Variants in PCSK2 observed in about 807,000 individuals in gnomAD.
PCSK2 encodes the protein proprotein convertase subtilisin/kexin type 2.
In PCSK2, 14 loss-of-function variants were observed where a neutral mutation model predicts 69.7. That is an observed-to-expected ratio of 0.20 (90% CI 0.13 to 0.31). The LOEUF is 0.31. Among genes scored for constraint, PCSK2 ranks in the 10% least tolerant of loss-of-function variants. The pLI, the probability that PCSK2 is intolerant of heterozygous loss-of-function variation, is 1.00. For missense variants in PCSK2, 544 were observed against 842.5 expected (o/e 0.65, Z 4.39); for synonymous variants, 307 against 320.7 (o/e 0.96, Z 0.46).
chr20:17,452,704 G>A (rs2032850036), intron 8 of PCSK2, among the ~76,000 whole-genome samples: 1 of 152,250 alleles, frequency 6.6e-6, no homozygotes, highest in Non-Finnish European at 1.5e-5. Flanking sequence ...GGCACTGCAT[G>A]GCTGCACTCC....
At chr20:17,253,113 TC>T (rs1158024644) in intron 1 of PCSK2, among the ~76,000 whole-genome samples, 3 of 152,186 alleles carry the variant, frequency 2.0e-5, no homozygotes, top group Admixed American at 1.3e-4. Flanking sequence ...GAGATTGAAT[TC>T]CTAGGATATA....
chr20:17,243,910 A>G (rs2122959945), intron 1 of PCSK2, among the ~76,000 whole-genome samples: 1 of 152,318 alleles, frequency 6.6e-6, no homozygotes, highest in East Asian at 1.9e-4. Context: ...AAGAAATGAC[A>G]ACCACATGCA....
At chr20:17,409,958 A>G (rs2123303986) in intron 6 of PCSK2, among the ~76,000 whole-genome samples, 1 of 152,352 alleles carries the variant, frequency 6.6e-6, no homozygotes, top group East Asian at 1.9e-4. Context: ...GGTTAATTAC[A>G]TATAAGAGAT....
At chr20:17,275,178 C>T (rs1177098503) in intron 2 of PCSK2, among the ~76,000 whole-genome samples, 1 of 149,808 alleles carries the variant, frequency 6.7e-6, no homozygotes, top group Non-Finnish European at 1.5e-5. Context: ...TAAATTTATT[C>T]GAGTTTAAGA....
intron 2 of PCSK2, among the ~76,000 whole-genome samples, chr20:17,307,471 C>T (rs1000764192): frequency 9.2e-5 from 14 of 152,146 alleles, no homozygotes; most frequent in Non-Finnish European, 1.5e-4. Flanking sequence ...GTGGTGGTGG[C>T]AGTGGCAGAA....
rs1439770045 is a variant in PCSK2 at position 17,465,449 on chromosome 20, T to C, written c.1326T>C (p.Phe442=). The C allele has an allele frequency of 1.9e-6, 3 of 1,614,112 alleles. No homozygotes were observed. Among genetic ancestry groups the C allele is most frequent in the Non-Finnish European group, 2.5e-6 (3 of 1,179,982 alleles). The change falls in exon 11 of 12, where the codon TTT becomes TTC. Residue 442 remains phenylalanine, a synonymous_variant. Coordinates refer to ENST00000262545, the MANE Select transcript of PCSK2 (RefSeq NM_002594.5). ...TCGGCCTGGAATTTAATCACCTCTT[T>C]GGCTACGGGGTCCTTGATGCAGGTG... The part of the protein sequence containing the change: ...NGVGLEFNHL[F]GYGVLDAGAM...
chr20:17,256,912 G>A (rs1987196711), intron 1 of PCSK2, among the ~76,000 whole-genome samples: 1 of 152,080 alleles, frequency 6.6e-6, no homozygotes, highest in Non-Finnish European at 1.5e-5. Flanking sequence ...GAGAATGATG[G>A]TTTCCTGCTT....
intron 2 of PCSK2, chr20:17,263,213 A>G (rs1244503644): frequency 1.4e-6 from 1 of 714,632 alleles, no homozygotes; most frequent in Non-Finnish European, 1.7e-6. Context: ...TTTGCCTCTC[A>G]TGTAACAACT....
At chr20:17,333,445 C>T (rs946696020) in intron 2 of PCSK2, among the ~76,000 whole-genome samples, 2 of 152,154 alleles carry the variant, frequency 1.3e-5, no homozygotes, top group African/African-American at 2.4e-5. Flanking sequence ...CATAACTTTC[C>T]TCCCTCCAAA....
chr20:17,367,134 A>G (rs1480681436), intron 4 of PCSK2, among the ~76,000 whole-genome samples: 1 of 151,926 alleles, frequency 6.6e-6, no homozygotes, highest in Non-Finnish European at 1.5e-5. Flanking sequence ...ATTTATATTT[A>G]GGTATAAATT....
At chr20:17,302,225 G>A (rs1211275485) in intron 2 of PCSK2, among the ~76,000 whole-genome samples, 4 of 151,936 alleles carry the variant, frequency 2.6e-5, no homozygotes, top group African/African-American at 9.7e-5. Context: ...CTTAATCTTC[G>A]AATTCCATGA....
chr20:17,325,316 A>C (rs1001438793), intron 2 of PCSK2, among the ~76,000 whole-genome samples: 1 of 152,160 alleles, frequency 6.6e-6, no homozygotes, highest in African/African-American at 2.4e-5. Flanking sequence ...AAGCAGCTCA[A>C]TTTTGGTTTT....
At chr20:17,299,376 C>A (rs1184358903) in intron 2 of PCSK2, among the ~76,000 whole-genome samples, 1 of 152,132 alleles carries the variant, frequency 6.6e-6, no homozygotes, top group Non-Finnish European at 1.5e-5. Context: ...TCAAATCTAT[C>A]TTTTCTTACC....
chr20:17,261,224 A>G (rs1043376370), intron 2 of PCSK2, among the ~76,000 whole-genome samples: 6 of 152,358 alleles, frequency 3.9e-5, no homozygotes, highest in Non-Finnish European at 5.9e-5. Context: ...TTCTCTGTAC[A>G]TTGAAGGCAG....
At chr20:17,444,458 G>T (rs533547995) in intron 8 of PCSK2, among the ~76,000 whole-genome samples, 1 of 152,304 alleles carries the variant, frequency 6.6e-6, no homozygotes, top group Admixed American at 6.5e-5. Context: ...TGGGCAAGAA[G>T]GAAATCCTTT....
intron 2 of PCSK2, among the ~76,000 whole-genome samples, chr20:17,281,673 GC>G (rs1194493522): frequency 3.3e-5 from 5 of 152,072 alleles, no homozygotes; most frequent in Non-Finnish European, 7.4e-5. Context: ...TATGTTTGCT[GC>G]CCCCTGTTGG....
intron 2 of PCSK2, among the ~76,000 whole-genome samples, chr20:17,294,168 G>A (rs1446252423): frequency 1.4e-5 from 2 of 140,662 alleles, no homozygotes; most frequent in African/African-American, 2.6e-5. Context: ...GCAGTGGCGC[G>A]ATCTCGGCTC....
Position 17,402,035 on chromosome 20 carries a change from C to A in PCSK2, c.544-7228C>A, listed in dbSNP as rs546207226. Among the ~76,000 whole-genome samples, 257 of 152,170 alleles carry A rather than the reference C, an allele frequency of 1.7e-3. 2 individuals are homozygous for A. The highest frequency in any genetic ancestry group is 1.5e-3 in the Non-Finnish European group (100 of 68,002). The stretch of plus-strand genomic sequence containing the variant: ...CTAGCCTAATACATGCTTCACTGGC[C>A]TTCTAAAATAGCAAGCCGAGCAAGA... On this transcript the variant is annotated intron_variant, in intron 5 of 11. Transcript: ENST00000262545.
At chr20:17,363,000 G>A (rs955569782) in intron 4 of PCSK2, among the ~76,000 whole-genome samples, 9 of 152,208 alleles carry the variant, frequency 5.9e-5, no homozygotes, top group Admixed American at 2.6e-4. Flanking sequence ...CTCTCTTAAC[G>A]ACCTGCACGC....
Sources: allele counts gnomAD v4.1 joint callset (sites outside exome capture counted in the v4.1 genomes callset), GRCh38; gene constraint gnomAD v4.1.1; transcripts MANE v1.5; gene names NCBI Gene and HGNC (gene_info 2026-07-23, HGNC 2026-07-21).